MTHFD1L: variants seen among roughly 807,000 people sequenced by gnomAD.
MTHFD1L encodes the protein methylenetetrahydrofolate dehydrogenase (NADP+ dependent) 1 like.
In MTHFD1L, 81 loss-of-function variants were observed where a neutral mutation model predicts 119.5. That is an observed-to-expected ratio of 0.68 (90% CI 0.57 to 0.82). The LOEUF (loss-of-function observed/expected upper bound fraction) is 0.82. Among genes scored for constraint, MTHFD1L ranks in the 40% least tolerant of loss-of-function variants. The pLI, the probability that MTHFD1L is intolerant of heterozygous loss-of-function variation, is 0.00. For synonymous variants in MTHFD1L, 430 were observed against 475.2 expected (o/e 0.90, Z 1.24); for missense variants, 1,125 against 1,253.4 (o/e 0.90, Z 1.55).
chr6:151,024,720 T>G (rs183559804), intron 24 of MTHFD1L, among the ~76,000 whole-genome samples: 42 of 152,240 alleles, frequency 2.8e-4, no homozygotes, highest in Non-Finnish European at 6.0e-4. Context: ...TTCCAGCTAC[T>G]CTGGAGGCTA....
chr6:151,031,570 A>G (rs1483038729), intron 24 of MTHFD1L, among the ~76,000 whole-genome samples: 4 of 152,248 alleles, frequency 2.6e-5, no homozygotes, highest in Non-Finnish European at 5.9e-5. Flanking sequence ...AGTTTTAACA[A>G]AGATTGGTCC....
In MTHFD1L at chr6:150,922,261, A is replaced by C. The variant is rs780837063; in HGVS notation, c.1041A>C (p.Arg347Ser). 6.2e-7 allele frequency: 1 copy of C among 1,613,944 alleles called. No individual in the cohort carries two copies. The highest frequency in any genetic ancestry group is 8.5e-7 in the Non-Finnish European group (1 of 1,179,908). ...GTGAACAGCAGCACAGGCGGTGGAG[A>C]CTTCACTGCTTGAAACTTCAGCCTC... is the stretch of plus-strand genomic sequence containing the variant. Reference protein sequence around the residue: ...WLREQQHRRWRLHCLKLQPLS... With the variant: ...WLREQQHRRWSLHCLKLQPLS... The change falls in exon 10 of 28, where the codon AGA becomes AGC. Residue 347 changes from arginine to serine, a missense_variant. This residue lies in a region of MTHFD1L where 1,058 missense variants were observed against 1,151.2 expected (regional missense o/e 0.92). Transcript: ENST00000367321.
intron 20 of MTHFD1L, among the ~76,000 whole-genome samples, chr6:150,975,734 A>G (rs1314765763): frequency 6.6e-6 from 1 of 152,096 alleles, no homozygotes; most frequent in Non-Finnish European, 1.5e-5. Flanking sequence ...GGCCCCTCCT[A>G]GGTTGAAGCT....
At chr6:151,054,453 T>C (rs1789566529) in intron 26 of MTHFD1L, among the ~76,000 whole-genome samples, 1 of 152,140 alleles carries the variant, frequency 6.6e-6, no homozygotes. Context: ...CTGAGGACAA[T>C]GATGGAGTGC....
intron 12 of MTHFD1L, among the ~76,000 whole-genome samples, chr6:150,938,392 CAG>C (rs1491253988): frequency 1.3e-5 from 2 of 152,170 alleles, no homozygotes; most frequent in East Asian, 1.9e-4. Context: ...AGTATAGTCA[CAG>C]AGATCTAATA....
rs544242844 is a variant in MTHFD1L at position 150,865,888 on chromosome 6, G to A, written c.66G>A (p.Pro22=). 208 of 1,202,628 alleles carry A rather than the reference G, an allele frequency of 1.7e-4. 1 individual carries two copies. In the African/African-American group the frequency reaches 3.0e-3, roughly 18 times the overall value. The allele number at this position is 1,202,628 out of a possible 1,614,324, so 74.5% of individuals were successfully genotyped here. The part of the protein sequence containing the change: ...LRRPPQPPGP[P]RRLRVPCRAS... ...GCCCGCCCCAGCCCCCGGGCCCTCC[G>A]CGCCGCCTCCGTGTGCCCTGTCGCG... is the stretch of plus-strand genomic sequence containing the variant. The change falls in exon 1 of 28, where the codon CCG becomes CCA. Residue 22 remains proline (P), a synonymous_variant. Transcript: ENST00000367321.
intron 26 of MTHFD1L, chr6:151,041,952 A>T: frequency 5.2e-6 from 2 of 385,692 alleles, no homozygotes; most frequent in African/African-American, 2.1e-5. Flanking sequence ...TTCCATGTTC[A>T]CTTATAGGCC....
Position 151,009,765 on chromosome 6 carries a change from A to AC in MTHFD1L, c.2126-52dup, listed in dbSNP as rs1781961405. 3.1e-6 allele frequency: 5 copies of AC among 1,604,128 alleles called. No individual in the cohort carries two copies. The African/African-American group carries it at 6.7e-5, about 22-fold the overall frequency. On this transcript the variant is annotated intron_variant, in intron 20 of 27. Transcript: ENST00000367321. ...TCGAATCATAGTGGTGATTGCCAAA[A>AC]CCTACCTTTGTTTTTAGAAGATAAT...
intron 26 of MTHFD1L, among the ~76,000 whole-genome samples, chr6:151,062,452 C>T (rs1399397022): frequency 6.6e-6 from 1 of 152,088 alleles, no homozygotes; most frequent in African/African-American, 2.4e-5. Flanking sequence ...AGACCTTTTG[C>T]TCCTCTTTGC....
chr6:151,054,182 A>G (rs890705239), intron 26 of MTHFD1L, among the ~76,000 whole-genome samples: 1 of 152,186 alleles, frequency 6.6e-6, no homozygotes, highest in Admixed American at 6.6e-5. Context: ...CATAAATTGG[A>G]AACTTATATC....
rs758745761 is a variant in MTHFD1L at position 150,926,088 on chromosome 6, C to G, written c.1083-34C>G. Reference sequence around the variant, plus strand: ...AGTTGTGACCACCTAAGCTGAGAAGCCTTTTCTCTCTTTCGTATTGTCTTT... The same window carrying G: ...AGTTGTGACCACCTAAGCTGAGAAGGCTTTTCTCTCTTTCGTATTGTCTTT... On this transcript the variant is annotated intron_variant, in intron 10 of 27. Coordinates refer to ENST00000367321, the MANE Select transcript of MTHFD1L (RefSeq NM_015440.5). The surrounding 1 kb of genome is among the most constrained non-coding windows in gnomAD (Gnocchi z 4.3). 6.3e-7 allele frequency: 1 copy of G among 1,586,060 alleles called. No individual in the cohort carries two copies.
intron 26 of MTHFD1L, among the ~76,000 whole-genome samples, chr6:151,086,494 G>A (rs1017808616): frequency 2.0e-4 from 31 of 152,102 alleles, no homozygotes; most frequent in African/African-American, 7.2e-4. Flanking sequence ...TTCCCATTTT[G>A]TAATTGTCCT....
chr6:150,976,672 G>GTTT (rs1562483992), intron 20 of MTHFD1L, among the ~76,000 whole-genome samples: 2 of 152,182 alleles, frequency 1.3e-5, no homozygotes, highest in Non-Finnish European at 2.9e-5. Flanking sequence ...CCTGCATTAA[G>GTTT]AAGTAAACTG....
At chr6:151,091,250 T>C (rs144657893) in intron 26 of MTHFD1L, among the ~76,000 whole-genome samples, 50 of 140,710 alleles carry the variant, frequency 3.6e-4, no homozygotes, top group African/African-American at 1.5e-3. Flanking sequence ...CATCGTTCCA[T>C]GCGACTGGGT....
intron 4 of MTHFD1L, among the ~76,000 whole-genome samples, chr6:150,879,645 T>TC (rs1781068536): frequency 1.3e-5 from 2 of 148,572 alleles, no homozygotes; most frequent in African/African-American, 5.0e-5. Context: ...TTTTTTTTTT[T>TC]CTGAGACGGA....
At chr6:150,997,040 C>T (rs904547061) in intron 20 of MTHFD1L, among the ~76,000 whole-genome samples, 2 of 152,186 alleles carry the variant, frequency 1.3e-5, no homozygotes, top group African/African-American at 4.8e-5. Context: ...GGGCCCTTAA[C>T]CTCTCACTTG....
At chr6:150,867,861 G>A in intron 1 of MTHFD1L, among the ~76,000 whole-genome samples, 1 of 143,148 alleles carries the variant, frequency 7.0e-6, no homozygotes, top group African/African-American at 2.6e-5. Context: ...GCAATGGCAC[G>A]ATCTTGGCTC....
chr6:150,987,213 C>G (rs760902548), intron 20 of MTHFD1L, among the ~76,000 whole-genome samples: 19 of 152,144 alleles, frequency 1.2e-4, no homozygotes, highest in Non-Finnish European at 2.6e-4. Context: ...GTAGTTGCAT[C>G]TAGCAGGCTA....
At chr6:150,969,692 A>G (rs918375205) in intron 19 of MTHFD1L, among the ~76,000 whole-genome samples, 2 of 152,230 alleles carry the variant, frequency 1.3e-5, no homozygotes, top group African/African-American at 2.4e-5. Context: ...CACAGTAACT[A>G]TAATACATCC....
Sources: allele counts gnomAD v4.1 joint callset (sites outside exome capture counted in the v4.1 genomes callset), GRCh38; gene constraint gnomAD v4.1.1; regional missense constraint gnomAD v4.1.1; non-coding constraint Gnocchi (gnomAD v3.1); transcripts MANE v1.5; gene names NCBI Gene and HGNC (gene_info 2026-07-23, HGNC 2026-07-21).